PTPRD: variants seen among roughly 807,000 people sequenced by gnomAD.
The protein encoded by PTPRD is protein tyrosine phosphatase receptor type D, also known as receptor-type tyrosine-protein phosphatase delta.
In PTPRD, 34 loss-of-function variants were observed where a neutral mutation model predicts 214.5. The observed-to-expected ratio is 0.16, with a 90% CI of 0.12 to 0.21. The LOEUF is 0.21. Ranked by LOEUF, PTPRD falls within the 10% of genes least tolerant of loss-of-function variation. The pLI is 1.00. For synonymous variants in PTPRD, 1,128 were observed against 845.7 expected (o/e 1.33, Z -5.79); for missense variants, 2,545 against 2,398.7 (o/e 1.06, Z -1.27).
At chr9:9,458,132 C>T (rs1438058547) in intron 8 of PTPRD, among the ~76,000 whole-genome samples, 1 of 151,810 alleles carries the variant, frequency 6.6e-6, no homozygotes, top group Admixed American at 6.6e-5. Flanking sequence ...ATAATCCATA[C>T]AATGTTTTCA....
intron 14 of PTPRD, among the ~76,000 whole-genome samples, chr9:8,616,707 A>C (rs1488004478): frequency 3.9e-5 from 6 of 152,290 alleles, no homozygotes; most frequent in African/African-American, 1.4e-4. Flanking sequence ...CTTTCAGAGC[A>C]TATCTCACAT....
At chr9:10,496,252 T>C (rs1334408564) in intron 2 of PTPRD, among the ~76,000 whole-genome samples, 1 of 151,844 alleles carries the variant, frequency 6.6e-6, no homozygotes, top group Non-Finnish European at 1.5e-5. Flanking sequence ...TTACCAGAAC[T>C]GCCAGTTAAG....
chr9:9,392,777 C>T (rs1466134998), intron 9 of PTPRD, among the ~76,000 whole-genome samples: 2 of 152,156 alleles, frequency 1.3e-5, no homozygotes, highest in Non-Finnish European at 2.9e-5. Context: ...TATGATGTCT[C>T]TTCAACAATA....
At chr9:9,231,810 C>T (rs889133962) in intron 9 of PTPRD, among the ~76,000 whole-genome samples, 5 of 151,958 alleles carry the variant, frequency 3.3e-5, no homozygotes, top group African/African-American at 1.2e-4. Context: ...TATACATGTG[C>T]CATGTTGGTT....
chr9:9,893,357 C>A (rs566688744), intron 5 of PTPRD, among the ~76,000 whole-genome samples: 27 of 152,076 alleles, frequency 1.8e-4, no homozygotes, highest in Non-Finnish European at 3.2e-4. Flanking sequence ...AACCAAGAGC[C>A]ATTGGTATGC....
chr9:9,678,256 G>T (rs2096978091), intron 7 of PTPRD, among the ~76,000 whole-genome samples: 1 of 152,018 alleles, frequency 6.6e-6, no homozygotes, highest in Non-Finnish European at 1.5e-5. Flanking sequence ...AGTCCACATT[G>T]CCAAGACAAT....
intron 12 of PTPRD, among the ~76,000 whole-genome samples, chr9:8,670,559 T>C (rs2097262666): frequency 1.3e-5 from 2 of 152,236 alleles, no homozygotes; most frequent in Admixed American, 1.3e-4. Context: ...GTAACCACTA[T>C]GCTATCTATA....
At chr9:9,653,468 A>C in intron 7 of PTPRD, among the ~76,000 whole-genome samples, 1 of 150,248 alleles carries the variant, frequency 6.7e-6, no homozygotes, top group East Asian at 2.0e-4. Context: ...AAATGAATAT[A>C]TTTTTTTCAA....
intron 3 of PTPRD, among the ~76,000 whole-genome samples, chr9:10,180,834 G>T (rs1453148535): frequency 6.6e-6 from 1 of 151,870 alleles, no homozygotes; most frequent in African/African-American, 2.4e-5. Flanking sequence ...TCTCATTTAT[G>T]CAGGAGAAAA....
chr9:10,296,719 A>G (rs2095686182), intron 3 of PTPRD, among the ~76,000 whole-genome samples: 1 of 152,208 alleles, frequency 6.6e-6, no homozygotes, highest in South Asian at 2.1e-4. Flanking sequence ...GGTATCTGGG[A>G]GTGAGATATA....
intron 5 of PTPRD, among the ~76,000 whole-genome samples, chr9:9,888,155 T>C (rs1219299985): frequency 6.6e-6 from 1 of 152,152 alleles, no homozygotes; most frequent in Non-Finnish European, 1.5e-5. Context: ...CACTTTCCCA[T>C]CTTCCCACAT....
chr9:9,359,819 C>T (rs2055312227), intron 9 of PTPRD, among the ~76,000 whole-genome samples: 1 of 151,180 alleles, frequency 6.6e-6, no homozygotes, highest in African/African-American at 2.4e-5. Context: ...GTACGGAGTG[C>T]CTGCTGCGTG....
chr9:8,404,417 C>G (rs1218518573), intron 36 of PTPRD, 120 bp downstream of exon 36: 15 of 1,344,008 alleles, frequency 1.1e-5, no homozygotes, highest in Non-Finnish European at 1.5e-5. Flanking sequence ...GCGTGAGCCA[C>G]CATGCACAGC....
At chr9:8,819,268 T>G (rs952913583) in intron 11 of PTPRD, among the ~76,000 whole-genome samples, 1 of 152,184 alleles carries the variant, frequency 6.6e-6, no homozygotes, top group Non-Finnish European at 1.5e-5. Context: ...ACATATAAAC[T>G]ATATAAAAGC....
chr9:9,539,635 A>T (rs1396537245), intron 8 of PTPRD, among the ~76,000 whole-genome samples: 1 of 151,848 alleles, frequency 6.6e-6, no homozygotes, highest in Non-Finnish European at 1.5e-5. Flanking sequence ...TGCATTTTAA[A>T]AGTGATGGAT....
rs1282245328 is a variant in PTPRD, at chr9:8,409,074, C to T, written c.4087-4414G>A. Among the ~76,000 whole-genome samples the T allele has an allele frequency of 2.6e-5, 4 of 152,190 alleles. No homozygotes were observed. In the East Asian group the frequency reaches 5.8e-4, roughly 22 times the overall value. ...GGATTAGAGGTTTGCATTGTATTCT[C>T]GACAAAAACTCAGAATTAAAATATA... is the stretch of plus-strand genomic sequence containing the variant. On this transcript the variant is annotated intron_variant, in intron 35 of 45. Transcript: ENST00000381196.
At chr9:8,449,698 G>A (rs1297804512) in intron 34 of PTPRD, 27 bp downstream of exon 34, 5 of 1,592,494 alleles carry the variant, frequency 3.1e-6, no homozygotes, top group African/African-American at 1.3e-5. Context: ...AAGACTGTGT[G>A]TGGATTAGAT....
At chr9:8,905,455 C>T (rs545328891) in intron 11 of PTPRD, among the ~76,000 whole-genome samples, 1 of 151,862 alleles carries the variant, frequency 6.6e-6, no homozygotes, top group Admixed American at 6.6e-5. Context: ...AAAGAATTAG[C>T]CAGCCGGACG....
intron 11 of PTPRD, among the ~76,000 whole-genome samples, chr9:8,939,229 C>T (rs149025618): frequency 1.0e-3 from 153 of 152,182 alleles, no homozygotes; most frequent in African/African-American, 3.3e-3. Flanking sequence ...AGATACTTTC[C>T]ATTACTACCA....
Sources: gnomAD v4.1 joint callset for allele counts (sites outside exome capture counted in the v4.1 genomes callset) on GRCh38, gnomAD v4.1.1 for gene constraint, MANE v1.5 for transcripts, NCBI Gene and HGNC (gene_info 2026-07-23, HGNC 2026-07-21) for gene names.